The following PCDHGA4 variants were observed in gnomAD, a reference collection of about 807,000 sequenced individuals.
The protein encoded by PCDHGA4 is protocadherin gamma subfamily A, 4.
PCDHGA4 carries 38 observed loss-of-function variants against 54.6 expected under a neutral mutation model. That is an observed-to-expected ratio of 0.70 (90% CI 0.54 to 0.91). The LOEUF is 0.91. Among genes scored for constraint, PCDHGA4 ranks in the 40% least tolerant of loss-of-function variants. The probability of loss-of-function intolerance (pLI) is 0.00; values close to 1 mark genes in which losing one functional copy is unlikely to be tolerated. For missense variants in PCDHGA4, 1,298 were observed against 1,220.9 expected (o/e 1.06, Z -0.94); for synonymous variants, 511 against 512.9 (o/e 1.00, Z 0.05).
At chr5:141,402,096 A>G (rs1343417374) in intron 1 of PCDHGA4, among the ~76,000 whole-genome samples, 2 of 152,226 alleles carry the variant, frequency 1.3e-5, no homozygotes, top group Non-Finnish European at 2.9e-5. Context: ...GAAAAGTTTA[A>G]GCAATTACAA....
At chr5:141,399,644 A>G (rs2093855347) in intron 1 of PCDHGA4, 2 of 1,613,810 alleles carry the variant, frequency 1.2e-6, no homozygotes, top group Non-Finnish European at 8.5e-7. Context: ...ATGAGCGCGC[A>G]AAGTGGGGTG....
intron 1 of PCDHGA4, chr5:141,383,514 G>C (rs778204328): frequency 6.2e-7 from 1 of 1,612,718 alleles, no homozygotes; most frequent in African/African-American, 1.3e-5. Context: ...GGGAGGAAGA[G>C]CGGGTTCACC....
At chr5:141,362,374 A>AC (rs765639463) in intron 1 of PCDHGA4, 4 of 1,614,036 alleles carry the variant, frequency 2.5e-6, no homozygotes, top group Non-Finnish European at 3.4e-6. Context: ...CAGTGAGGGT[A>AC]CATTGCCCTA....
At chr5:141,426,586 G>A (rs2096944939) in intron 1 of PCDHGA4, 1 of 363,442 alleles carries the variant, frequency 2.8e-6, no homozygotes, top group African/African-American at 2.1e-5. Flanking sequence ...AAAATCCTCT[G>A]TGTCATACCC....
chr5:141,365,924 G>C, intron 1 of PCDHGA4: 1 of 1,614,212 alleles, frequency 6.2e-7, no homozygotes, highest in Non-Finnish European at 8.5e-7. Flanking sequence ...ACAGTTGTGG[G>C]TGACAGCCAG....
At chr5:141,365,167 C>T (rs201444039) in intron 1 of PCDHGA4, 1 of 1,613,950 alleles carries the variant, frequency 6.2e-7, no homozygotes, top group Non-Finnish European at 8.5e-7. Flanking sequence ...AATTGACCTA[C>T]TCTTTTCGCA....
chr5:141,377,014 G>T (rs1457623527), intron 1 of PCDHGA4: 1 of 155,140 alleles, frequency 6.4e-6, no homozygotes, highest in African/African-American at 2.4e-5. Flanking sequence ...TGGTTGACAG[G>T]AAAATTCAAG....
In PCDHGA4 at chr5:141,380,448, A is replaced by G. The variant is rs145941690; in HGVS notation, c.2514+22827A>G. Among the ~76,000 whole-genome samples, 6 of 152,354 alleles carry G rather than the reference A, an allele frequency of 3.9e-5. No homozygotes were observed. The East Asian group carries it at 1.2e-3, about 29-fold the overall frequency. ...TAGACTTTACATAGAATTCTTTTTA[A>G]TGCAACCAAACAAATGGTCAGGATT... On this transcript the variant is annotated intron_variant, in intron 1 of 3. Coordinates refer to ENST00000571252, the MANE Select transcript of PCDHGA4 (RefSeq NM_018917.4).
intron 1 of PCDHGA4, chr5:141,391,218 T>A (rs1486850229): frequency 1.3e-5 from 2 of 152,172 alleles, no homozygotes; most frequent in South Asian, 2.1e-4. Flanking sequence ...AGGAACATTA[T>A]ATGAGCCTTT....
At chr5:141,433,854 A>T (rs2097660850) in intron 1 of PCDHGA4, among the ~76,000 whole-genome samples, 1 of 151,852 alleles carries the variant, frequency 6.6e-6, no homozygotes, top group African/African-American at 2.4e-5. Context: ...AAAAAAAAAA[A>T]ACTTTATCCT....
rs766964072 is a variant in PCDHGA4, at chr5:141,356,115, G to A, written c.1008G>A (p.Gly336=). 6.2e-7 allele frequency: 1 copy of A among 1,613,762 alleles called. No individual in the cohort carries two copies. Among genetic ancestry groups the A allele is most frequent in the Admixed American group, 1.7e-5 (1 of 59,988 alleles). Residue 336 remains glycine, a synonymous_variant, in exon 1 of 4, where the codon GGG becomes GGA. Transcript: ENST00000571252. ...NSLSGDITIL[G]GLDYEDSGFY... ...TGAGTGGGGATATAACAATATTGGGGGGTCTAGATTATGAGGACTCTGGAT... is the reference window on the plus strand; with the variant it reads ...TGAGTGGGGATATAACAATATTGGGAGGTCTAGATTATGAGGACTCTGGAT...
intron 1 of PCDHGA4, among the ~76,000 whole-genome samples, chr5:141,467,590 A>T (rs2099146863): frequency 6.6e-6 from 1 of 152,214 alleles, no homozygotes; most frequent in African/African-American, 2.4e-5. Context: ...AATGCCATTT[A>T]TTAAGCACTT....
In PCDHGA4 at chr5:141,413,451, C is replaced by T. The variant is rs1561742650; in HGVS notation, c.2514+55830C>T. 6.2e-6 allele frequency: 10 copies of T among 1,614,118 alleles called. No homozygotes were observed. The South Asian group carries it at 1.1e-4, about 18-fold the overall frequency. ...GCAGCGGCAGCTTGATCACCGCGGGCAGGATAGACCGGGAGGAGCTCTGCG... is the reference window on the plus strand; with the variant it reads ...GCAGCGGCAGCTTGATCACCGCGGGTAGGATAGACCGGGAGGAGCTCTGCG... On this transcript the variant is annotated intron_variant, in intron 1 of 3. Transcript: ENST00000571252.
intron 1 of PCDHGA4, chr5:141,388,653 C>T (rs1315025499): frequency 6.2e-7 from 1 of 1,613,728 alleles, no homozygotes; most frequent in Non-Finnish European, 8.5e-7. Context: ...AAACGTGTAC[C>T]CGGGGACCAC....
intron 1 of PCDHGA4, 33 bp from the exon 2 acceptor site, chr5:141,494,774 T>C (rs1462930792): frequency 6.2e-7 from 1 of 1,613,860 alleles, no homozygotes; most frequent in African/African-American, 1.3e-5. Flanking sequence ...TTCTCACGGG[T>C]ACTCAGCCCC....
intron 1 of PCDHGA4, among the ~76,000 whole-genome samples, chr5:141,368,453 G>A (rs775342461): frequency 2.2e-4 from 33 of 151,956 alleles, no homozygotes; most frequent in Non-Finnish European, 4.1e-4. Flanking sequence ...CAAACTCACC[G>A]AATAGTGAAT....
chr5:141,357,114 C>G lies in PCDHGA4; in HGVS notation c.2007C>G (p.Leu669=), dbSNP rs1464879895. The change falls in exon 1 of 4, where the codon CTC becomes CTG. Residue 669 remains leucine, a synonymous_variant. Transcript: ENST00000571252. ...TARALLDRDA[L]KQRLVVVVQD... is the part of the protein sequence containing the mutation. ...GGGCCCTGCTGGACAGAGACGCGCTCAAGCAGAGGCTTGTAGTGGTCGTCC... is the reference window on the plus strand; with the variant it reads ...GGGCCCTGCTGGACAGAGACGCGCTGAAGCAGAGGCTTGTAGTGGTCGTCC... The G allele has an allele frequency of 6.2e-7, 1 of 1,613,822 alleles. No homozygotes were observed. The highest frequency in any genetic ancestry group is 1.1e-5 in the South Asian group (1 of 91,086).
intron 1 of PCDHGA4, chr5:141,413,467 G>T: frequency 6.2e-7 from 1 of 1,614,136 alleles, no homozygotes; most frequent in Non-Finnish European, 8.5e-7. Context: ...AGACCGGGAG[G>T]AGCTCTGCGC....
chr5:141,433,033 C>A, intron 1 of PCDHGA4: 2 of 1,614,164 alleles, frequency 1.2e-6, no homozygotes, highest in Non-Finnish European at 1.7e-6. Flanking sequence ...ACGAGGTTTC[C>A]CTCACCACGG....
Sources: allele counts gnomAD v4.1 joint callset (sites outside exome capture counted in the v4.1 genomes callset), GRCh38; gene constraint gnomAD v4.1.1; transcripts MANE v1.5; gene names NCBI Gene and HGNC (gene_info 2026-07-23, HGNC 2026-07-21).